The following OTC variants were observed in gnomAD, a reference collection of about 807,000 sequenced individuals.
The protein encoded by OTC is ornithine transcarbamylase.
A neutral mutation model predicts 30.3 loss-of-function variants in OTC; 3 were observed. That is an observed-to-expected ratio of 0.10 (90% CI 0.05 to 0.26). The LOEUF is 0.26. Among genes scored for constraint, OTC ranks in the 10% least tolerant of loss-of-function variants. The pLI is 1.00. For synonymous variants in OTC, 111 were observed against 99.7 expected (o/e 1.11, Z -0.67); for missense variants, 194 against 260.3 (o/e 0.75, Z 1.75).
the OTC span, among the ~76,000 whole-genome samples, chrX:38,340,109 A>G: frequency 8.9e-6 from 1 of 112,178 alleles, no homozygotes; most frequent in African/African-American, 3.2e-5. Flanking sequence ...AATGTGTTGA[A>G]AATTGTGGTA....
chrX:38,330,239 G>C, the OTC span, among the ~76,000 whole-genome samples: 1 of 111,979 alleles, frequency 8.9e-6, no homozygotes, highest in Non-Finnish European at 1.9e-5. Context: ...TCTGAAAGCC[G>C]GGAAAGGCAA....
upstream of OTC, among the ~76,000 whole-genome samples, chrX:38,350,514 C>T (rs923212155): frequency 5.4e-5 from 6 of 111,787 alleles, no homozygotes; most frequent in African/African-American, 2.0e-4. Flanking sequence ...TAAAGTAAAA[C>T]AGACTCCACA....
At chrX:38,371,676 C>T (rs1220272751) in intron 3 of OTC, among the ~76,000 whole-genome samples, 1 of 111,737 alleles carries the variant, frequency 8.9e-6, no homozygotes, top group African/African-American at 3.3e-5. Flanking sequence ...AGATCTGAAG[C>T]CCACTATTCT....
chrX:38,417,083 C>T (rs1413200134), intron 9 of OTC, among the ~76,000 whole-genome samples: 2 of 111,856 alleles, frequency 1.8e-5, no homozygotes, highest in African/African-American at 6.5e-5. Flanking sequence ...TTTCTAATGG[C>T]ACTACTTGAT....
At chrX:38,367,472 C>G (rs1569273213) in intron 2 of OTC, 43 bp downstream of exon 2, 3 of 1,125,934 alleles carry the variant, frequency 2.7e-6, no homozygotes, top group Non-Finnish European at 3.6e-6. Context: ...TACCAGTCCC[C>G]TTTTTTTAAA....
upstream of OTC, among the ~76,000 whole-genome samples, chrX:38,348,431 G>A (rs112094522): frequency 0.023 from 2,598 of 110,702 alleles, 72 homozygotes; most frequent in African/African-American, 0.081. Flanking sequence ...TCAGCAATCT[G>A]GCTTCAATAT....
At chrX:38,386,147 G>T (rs2068401570) in intron 4 of OTC, among the ~76,000 whole-genome samples, 1 of 106,142 alleles carries the variant, frequency 9.4e-6, no homozygotes, top group African/African-American at 3.5e-5. Context: ...GGCCAAGGTG[G>T]GCAGATCGCG....
At chrX:38,344,094 C>T in the OTC span, among the ~76,000 whole-genome samples, 4 of 111,213 alleles carry the variant, frequency 3.6e-5, no homozygotes, top group African/African-American at 1.3e-4. Context: ...TGCCATGAGC[C>T]GAGGTTGTGC....
chrX:38,361,532 A>G (rs890310731), intron 1 of OTC, among the ~76,000 whole-genome samples: 6 of 111,933 alleles, frequency 5.4e-5, no homozygotes, highest in Non-Finnish European at 1.1e-4. Context: ...AAAACACTTC[A>G]CATTAAAGGA....
intron 4 of OTC, among the ~76,000 whole-genome samples, chrX:38,398,433 A>G (rs1387311936): frequency 1.8e-5 from 2 of 112,288 alleles, no homozygotes; most frequent in Admixed American, 9.5e-5. Flanking sequence ...AAATGATTTG[A>G]GAGGCTATAA....
At chrX:38,414,389 T>C (rs766525942) in intron 9 of OTC, among the ~76,000 whole-genome samples, 1 of 112,227 alleles carries the variant, frequency 8.9e-6, no homozygotes, top group East Asian at 2.8e-4. Flanking sequence ...TCCATCCATC[T>C]AGATCTTACC....
At chrX:38,370,143 T>G (rs913415547) in intron 3 of OTC, among the ~76,000 whole-genome samples, 1 of 112,547 alleles carries the variant, frequency 8.9e-6, no homozygotes, top group South Asian at 3.6e-4. Flanking sequence ...AAAAGAAATA[T>G]AGGTGGGCAC....
intron 4 of OTC, among the ~76,000 whole-genome samples, chrX:38,386,372 C>CAAA (rs35048362): frequency 4.8e-5 from 4 of 84,031 alleles, no homozygotes; most frequent in African/African-American, 1.8e-4. Flanking sequence ...GACTCCATCT[C>CAAA]AAAAAAAAAA....
At chrX:38,402,948 G>A (rs1485415224) in intron 5 of OTC, among the ~76,000 whole-genome samples, 5 of 110,865 alleles carry the variant, frequency 4.5e-5, no homozygotes, top group Non-Finnish European at 9.4e-5. Flanking sequence ...CGGAGTAGCT[G>A]GGATTACAAG....
chrX:38,360,272 C>T (rs2068265187), intron 1 of OTC, among the ~76,000 whole-genome samples: 1 of 111,107 alleles, frequency 9.0e-6, no homozygotes, highest in South Asian at 3.8e-4. Flanking sequence ...GACCTACTAT[C>T]ATTTATTCAT....
intron 4 of OTC, among the ~76,000 whole-genome samples, chrX:38,393,436 G>T (rs1254284359): frequency 1.8e-5 from 2 of 111,675 alleles, no homozygotes; most frequent in African/African-American, 3.3e-5. Context: ...TTTTACTTTT[G>T]TATGGTCCTG....
intron 1 of OTC, among the ~76,000 whole-genome samples, chrX:38,362,841 C>G (rs1223898745): frequency 8.9e-6 from 1 of 111,971 alleles, no homozygotes; most frequent in Non-Finnish European, 1.9e-5. Flanking sequence ...ATTGTTGGTC[C>G]TCCTCTTTCC....
the OTC span, among the ~76,000 whole-genome samples, chrX:38,331,869 A>C: frequency 1.8e-5 from 2 of 111,408 alleles, no homozygotes; most frequent in Non-Finnish European, 3.8e-5. Context: ...GGTATGAACC[A>C]CTGTGCCTGG....
intron 4 of OTC, 136 bp from the exon 5 acceptor site, chrX:38,401,139 C>G (rs773392694): frequency 2.1e-5 from 11 of 529,161 alleles, no homozygotes; most frequent in African/African-American, 1.6e-4. Context: ...ACCTTTTAAA[C>G]CTGTAATGTT....
Sources: allele counts gnomAD v4.1 joint callset (sites outside exome capture counted in the v4.1 genomes callset), GRCh38; gene constraint gnomAD v4.1.1; transcripts MANE v1.5; gene names NCBI Gene and HGNC (gene_info 2026-07-23, HGNC 2026-07-21).